GAB2: variants seen among roughly 807,000 people sequenced by gnomAD.
GAB2 encodes GRB2 associated binding protein 2, also known as GRB2-associated-binding protein 2.
In GAB2, 26 loss-of-function variants were observed where a neutral mutation model predicts 65.5. The ratio of observed to expected loss-of-function variants is 0.40; its 90% CI spans 0.29 to 0.55. The LOEUF is 0.55. Among genes scored for constraint, GAB2 ranks in the 20% least tolerant of loss-of-function variants. The probability of loss-of-function intolerance (pLI) is 0.53; values close to 1 mark genes in which losing one functional copy is unlikely to be tolerated. For synonymous variants in GAB2, 321 were observed against 329.6 expected (o/e 0.97, Z 0.28); for missense variants, 884 against 875.8 (o/e 1.01, Z -0.12).
chr11:78,245,600 A>G (rs1189813635), intron 3 of GAB2, among the ~76,000 whole-genome samples: 1 of 152,226 alleles, frequency 6.6e-6, no homozygotes, highest in African/African-American at 2.4e-5. Flanking sequence ...TCTTCATACT[A>G]AAGAGTAAGA....
At chr11:78,280,228 G>T (rs1205873200) in intron 2 of GAB2, among the ~76,000 whole-genome samples, 1 of 152,200 alleles carries the variant, frequency 6.6e-6, no homozygotes, top group Non-Finnish European at 1.5e-5. Context: ...CAGAGATGAA[G>T]GAGAGAAGGG....
At chr11:78,313,147 T>C (rs1289044014) in intron 1 of GAB2, among the ~76,000 whole-genome samples, 1 of 152,168 alleles carries the variant, frequency 6.6e-6, no homozygotes, top group African/African-American at 2.4e-5. Flanking sequence ...GTCACGAGAA[T>C]CTGATGTGTA....
chr11:78,231,863 G>C (rs1238050423), intron 3 of GAB2: 2 of 152,232 alleles, frequency 1.3e-5, no homozygotes, highest in Non-Finnish European at 2.9e-5. Context: ...TAAAATGCTT[G>C]TAAGTAGATT....
At chr11:78,388,893 G>A (rs937769008) in intron 1 of GAB2, among the ~76,000 whole-genome samples, 1 of 152,166 alleles carries the variant, frequency 6.6e-6, no homozygotes, top group African/African-American at 2.4e-5. Context: ...ACTTCTTTGG[G>A]TAGAAACAGA....
At chr11:78,389,351 G>T (rs1052194350) in intron 1 of GAB2, among the ~76,000 whole-genome samples, 1 of 150,524 alleles carries the variant, frequency 6.6e-6, no homozygotes, top group African/African-American at 2.4e-5. Flanking sequence ...TCGTTGCCCA[G>T]GAAGGAGTGC....
intron 2 of GAB2, among the ~76,000 whole-genome samples, chr11:78,261,753 T>C (rs867410210): frequency 6.6e-6 from 1 of 152,310 alleles, no homozygotes; most frequent in Middle Eastern, 3.4e-3. Flanking sequence ...TGGCCTATGC[T>C]TTATGAGCTT....
chr11:78,368,582 C>T (rs1337102593), intron 1 of GAB2, among the ~76,000 whole-genome samples: 7 of 152,004 alleles, frequency 4.6e-5, no homozygotes, highest in South Asian at 2.1e-4. Context: ...GCATACTACA[C>T]GAAGGAAGAA....
intron 1 of GAB2, among the ~76,000 whole-genome samples, chr11:78,340,174 C>G (rs1316505133): frequency 1.3e-5 from 2 of 152,188 alleles, no homozygotes; most frequent in African/African-American, 4.8e-5. Context: ...TAGAAAAAGT[C>G]TGTAGAATGA....
intron 2 of GAB2, among the ~76,000 whole-genome samples, chr11:78,255,724 T>G (rs999026964): frequency 2.0e-4 from 30 of 152,360 alleles, no homozygotes; most frequent in African/African-American, 7.2e-4. Context: ...CATTGGTAAG[T>G]GGAGTACATT....
rs778979203 is a variant in GAB2, at chr11:78,221,728, C to G, written c.1710G>C (p.Gln570His). Residue 570 changes from glutamine to histidine, a missense_variant, in exon 8 of 10, where the codon CAG (glutamine) becomes CAC (histidine). Gln to His is a conservative substitution (Grantham distance 24). Coordinates refer to ENST00000361507, the MANE Select transcript of GAB2 (RefSeq NM_080491.3). Reference sequence around the variant, plus strand: ...CTCCTGAGTCTGTGCTGGTGATGCTCTGGGTGGAGATGGGGCGGCAGTACT... The same window carrying G: ...CTCCTGAGTCTGTGCTGGTGATGCTGTGGGTGGAGATGGGGCGGCAGTACT... ...SSQYCRPISTQSITSTDSGDS... is the reference protein window; with the variant it reads ...SSQYCRPISTHSITSTDSGDS... 1.9e-6 allele frequency: 3 copies of G among 1,613,852 alleles called. No homozygotes were observed. Among genetic ancestry groups the G allele is most frequent in the Admixed American group, 3.3e-5 (2 of 60,010 alleles).
At chr11:78,357,278 G>A (rs933933951) in intron 1 of GAB2, among the ~76,000 whole-genome samples, 8 of 152,274 alleles carry the variant, frequency 5.3e-5, no homozygotes, top group African/African-American at 1.9e-4. Flanking sequence ...CAATTGTGAT[G>A]ACTGTTTCAA....
At chr11:78,276,769 A>C (rs1192004418) in intron 2 of GAB2, among the ~76,000 whole-genome samples, 4 of 152,342 alleles carry the variant, frequency 2.6e-5, no homozygotes, top group Middle Eastern at 3.4e-3. Context: ...ATACAGTAAA[A>C]GGATTCAGAC....
At chr11:78,333,812 C>A (rs1855954749) in intron 1 of GAB2, among the ~76,000 whole-genome samples, 1 of 152,182 alleles carries the variant, frequency 6.6e-6, no homozygotes, top group African/African-American at 2.4e-5. Flanking sequence ...CTTTAGATTA[C>A]CTGACACCAC....
chr11:78,221,868 C>T (rs1590938221), intron 7 of GAB2, 89 bp from the exon 8 acceptor site: 7 of 841,868 alleles, frequency 8.3e-6, no homozygotes, highest in South Asian at 1.5e-5. Flanking sequence ...CCCTCACACA[C>T]CCAGACCTCA....
At position 78,362,191 on chromosome 11, in the gene GAB2, T is replaced by C. The variant is rs1361491315; in HGVS notation, c.75+55455A>G. Among the ~76,000 whole-genome samples, 5 of 152,150 alleles carry C rather than the reference T, an allele frequency of 3.3e-5. No homozygotes were observed. The East Asian group carries it at 5.8e-4, about 18-fold the overall frequency. ...AATCTCTATTAGATATATTCTAACA[T>C]ATCTAATATGTTAACAGGCCAACAT... On this transcript the variant is annotated intron_variant, in intron 1 of 9. Transcript: ENST00000361507.
rs751533828 is a variant in GAB2, at chr11:78,267,857, C to CAAAAAAAAAAAAAAAAA, written c.376+12727_376+12743dup. ...TGGGTGATAGAGCGAGACTCCGTCT[C>CAAAAAAAAAAAAAAAAA]AAAAAAAAAAAAAAAAAAAAAAAAG... On this transcript the variant is annotated intron_variant, in intron 2 of 9. Coordinates refer to ENST00000361507, the MANE Select transcript of GAB2 (RefSeq NM_080491.3). 1.2e-3 allele frequency among the ~76,000 whole-genome samples: 40 copies of CAAAAAAAAAAAAAAAAA among 32,800 alleles called. 2 individuals are homozygous for CAAAAAAAAAAAAAAAAA. The highest frequency in any genetic ancestry group is 3.3e-3 in the East Asian group (2 of 614). 21.5% of individuals were successfully genotyped at this position (32,800 alleles called of 152,430 possible). A position where few individuals can be genotyped will look rare whatever the true frequency, so the allele number is the denominator to read the frequency against.
chr11:78,313,768 T>G (rs996357287), intron 1 of GAB2, among the ~76,000 whole-genome samples: 2 of 152,244 alleles, frequency 1.3e-5, no homozygotes, highest in African/African-American at 4.8e-5. Flanking sequence ...TAAGAAACAC[T>G]GAAGAGACCC....
chr11:78,339,036 C>T (rs960976522), intron 1 of GAB2, among the ~76,000 whole-genome samples: 9 of 152,016 alleles, frequency 5.9e-5, no homozygotes, highest in Non-Finnish European at 8.8e-5. Context: ...AATTTTTGTG[C>T]GTCAACCTCC....
chr11:78,396,413 A>G (rs968382700), intron 1 of GAB2, among the ~76,000 whole-genome samples: 4 of 152,250 alleles, frequency 2.6e-5, no homozygotes, highest in African/African-American at 9.6e-5. Context: ...TGGGAGAGCT[A>G]TAAGAACATG....
Sources: allele counts gnomAD v4.1 joint callset (sites outside exome capture counted in the v4.1 genomes callset), GRCh38; gene constraint gnomAD v4.1.1; transcripts MANE v1.5; gene names NCBI Gene and HGNC (gene_info 2026-07-23, HGNC 2026-07-21).